USP7: variants seen among roughly 807,000 people sequenced by gnomAD.
The protein encoded by USP7 is ubiquitin specific peptidase 7.
Under a neutral mutation model 162.9 loss-of-function variants are expected in USP7, and 9 were observed. The ratio of observed to expected loss-of-function variants is 0.06; its 90% CI spans 0.03 to 0.10. USP7 has a LOEUF of 0.10. Ranked by LOEUF, USP7 falls within the 10% of genes least tolerant of loss-of-function variation. The probability of loss-of-function intolerance (pLI) is 1.00; values close to 1 mark genes in which losing one functional copy is unlikely to be tolerated. For synonymous variants in USP7, 562 were observed against 475.9 expected, an observed-to-expected ratio of 1.18 and a Z score of -2.35; for missense variants, 715 against 1,373.7, an observed-to-expected ratio of 0.52 and a Z score of 7.58.
chr16:8,946,858 A>G (rs1031824175), intron 1 of USP7, among the ~76,000 whole-genome samples: 2 of 152,262 alleles, frequency 1.3e-5, no homozygotes, highest in African/African-American at 4.8e-5. Context: ...ACTTTTTAAT[A>G]TAACTGTATA....
intron 26 of USP7, 96 bp from the exon 27 acceptor site, chr16:8,895,837 A>T: frequency 5.4e-6 from 4 of 734,884 alleles, no homozygotes; most frequent in Non-Finnish European, 7.9e-6. Context: ...TTACCACGAT[A>T]TGTTTTTTTT....
intron 1 of USP7, among the ~76,000 whole-genome samples, chr16:8,940,020 C>T (rs1476697639): frequency 6.6e-6 from 1 of 152,076 alleles, no homozygotes; most frequent in African/African-American, 2.4e-5. Flanking sequence ...ATTGCTTGAA[C>T]CAGGGAGGCG....
At chr16:8,929,692 C>T in intron 2 of USP7, 1 of 396,778 alleles carries the variant, frequency 2.5e-6, no homozygotes, top group Non-Finnish European at 5.0e-6. Flanking sequence ...ATTGAGGTCA[C>T]TAATTTGATA....
chr16:8,901,267 CCAAA>C (rs765099326), intron 18 of USP7, 33 bp from the exon 19 acceptor site: 3 of 1,477,762 alleles, frequency 2.0e-6, no homozygotes, highest in Admixed American at 3.4e-5. Flanking sequence ...TTGTTAAGAT[CCAAA>C]CACTCAGCAC....
intron 1 of USP7, among the ~76,000 whole-genome samples, chr16:8,931,167 G>A (rs1468614720): frequency 6.6e-6 from 1 of 150,956 alleles, no homozygotes; most frequent in African/African-American, 2.4e-5. Context: ...TATTTTAAAC[G>A]TTTTCATCAT....
intron 2 of USP7, 135 bp from the exon 3 acceptor site, chr16:8,923,548 C>T: frequency 1.1e-6 from 1 of 917,702 alleles, no homozygotes. Flanking sequence ...AAATTGCTTC[C>T]AATTTATTAA....
chr16:8,952,077 C>T (rs1596414002), intron 1 of USP7, among the ~76,000 whole-genome samples: 1 of 1,174 alleles, frequency 8.5e-4, no homozygotes, highest in East Asian at 0.083. Context: ...AAAAAGTAGA[C>T]CCCCCCGTCT....
chr16:8,948,467 C>T (rs1376619507), intron 1 of USP7, among the ~76,000 whole-genome samples: 1 of 152,202 alleles, frequency 6.6e-6, no homozygotes, highest in Non-Finnish European at 1.5e-5. Context: ...TTACAGGTAT[C>T]AGCTGCCACA....
intron 1 of USP7, among the ~76,000 whole-genome samples, chr16:8,944,904 T>TC (rs34816462): frequency 0.26 from 39,569 of 151,766 alleles, 6,515 homozygotes; most frequent in African/African-American, 0.47. Flanking sequence ...GGTCAGGAGT[T>TC]CGAGATCAGC....
Position 8,903,345 on chromosome 16 carries a change from T to C in USP7, c.1762A>G (p.Lys588Glu), listed in dbSNP as rs1251891055. 1 of 1,614,084 alleles carries C rather than the reference T, an allele frequency of 6.2e-7. No homozygotes were observed. The highest frequency in any genetic ancestry group is 8.5e-7 in the Non-Finnish European group (1 of 1,180,040). ...ACTTTGAACACAGTGTATTTCACTT[T>C]TTCTTCATCGTACATGTCATTCCCT... ...HQGNDMYDEE[K>E]VKYTVFKVLK... Residue 588 changes from lysine to glutamate, a missense_variant, in exon 16 of 31, where the codon AAA becomes GAA. Lys to Glu is a moderately conservative substitution (Grantham distance 56). This residue lies in a region of USP7 where 197 missense variants were observed against 306.5 expected (regional missense o/e 0.64). Transcript: ENST00000344836.
intron 1 of USP7, among the ~76,000 whole-genome samples, chr16:8,946,637 A>G (rs188932930): frequency 2.6e-5 from 4 of 152,344 alleles, no homozygotes; most frequent in Non-Finnish European, 4.4e-5. Context: ...TGACACTCTG[A>G]AGAGCATACA....
chr16:8,938,541 T>G (rs1303736543), intron 1 of USP7, among the ~76,000 whole-genome samples: 2 of 151,408 alleles, frequency 1.3e-5, no homozygotes, highest in African/African-American at 4.9e-5. Context: ...TGAAACGCCG[T>G]CTCTACTGAA....
At position 8,910,876 on chromosome 16, in the gene USP7, T is replaced by C. The variant is rs370839269; in HGVS notation, c.1079-49A>G. 23 of 1,466,310 alleles carry C rather than the reference T, an allele frequency of 1.6e-5. No homozygotes were observed. In the African/African-American group the frequency reaches 2.6e-4, roughly 17 times the overall value. The allele number at this position is 1,466,310 out of a possible 1,614,324, so 90.8% of individuals were successfully genotyped here. On this transcript the variant is annotated intron_variant, in intron 10 of 30. Transcript: ENST00000344836. ...TCAAGTGCTAAAGCTTCATTTATAA[T>C]GTAGCCAACACAGGTGTAAGTTATT...
intron 4 of USP7, 91 bp downstream of exon 4, chr16:8,921,065 TA>T: frequency 7.2e-6 from 10 of 1,387,262 alleles, no homozygotes; most frequent in Non-Finnish European, 9.7e-6. Context: ...AATCTGACTC[TA>T]AAATCAATAA....
chr16:8,956,546 C>G (rs555981361), intron 1 of USP7, among the ~76,000 whole-genome samples: 1 of 152,148 alleles, frequency 6.6e-6, no homozygotes, highest in African/African-American at 2.4e-5. Context: ...GGGCAGACTG[C>G]CTGAGCTCAG....
chr16:8,949,315 A>C (rs1308015881), intron 1 of USP7, among the ~76,000 whole-genome samples: 1 of 152,238 alleles, frequency 6.6e-6, no homozygotes, highest in Non-Finnish European at 1.5e-5. Context: ...CTGGGATTGA[A>C]ACTGAGACAT....
chr16:8,907,799 G>C (rs750384591), intron 12 of USP7, among the ~76,000 whole-genome samples: 1 of 152,154 alleles, frequency 6.6e-6, no homozygotes, highest in Admixed American at 6.5e-5. Flanking sequence ...GGGCGACACA[G>C]CAAGACTCTG....
At chr16:8,941,496 T>C (rs1394160796) in intron 1 of USP7, among the ~76,000 whole-genome samples, 2 of 152,224 alleles carry the variant, frequency 1.3e-5, no homozygotes, top group African/African-American at 2.4e-5. Context: ...GCCCACCCTC[T>C]TCTCGCAGGT....
rs770756666 is a variant in USP7 at position 8,923,425 on chromosome 16, A to C, written c.185-12T>G. On this transcript the variant is annotated splice_polypyrimidine_tract_variant and intron_variant, in intron 2 of 30. Coordinates refer to ENST00000344836, the MANE Select transcript of USP7 (RefSeq NM_003470.3). ...GCGCCAACTGGTGTCTGCAAAAAAA[A>C]CACATCATCAGTCACAGAGCCTGTG... 3 of 1,613,746 alleles carry C rather than the reference A, an allele frequency of 1.9e-6. No homozygotes were observed. The highest frequency in any genetic ancestry group is 2.2e-5 in the East Asian group (1 of 44,872).
Sources: allele counts gnomAD v4.1 joint callset (sites outside exome capture counted in the v4.1 genomes callset), GRCh38; gene constraint gnomAD v4.1.1; regional missense constraint gnomAD v4.1.1; transcripts MANE v1.5; gene names NCBI Gene and HGNC (gene_info 2026-07-23, HGNC 2026-07-21).